Variants in LRRC9 observed in about 807,000 individuals in gnomAD.
LRRC9 encodes the protein leucine rich repeat containing 9.
LRRC9 carries 122 observed loss-of-function variants against 63.2 expected under a neutral mutation model. That is an observed-to-expected ratio of 1.93 (90% CI 1.67 to 2.24). The LOEUF is 2.24. Ranked by LOEUF, LRRC9 falls within the 30% of genes most tolerant of loss-of-function variation. The pLI is 0.00. For synonymous variants in LRRC9, 366 were observed against 213.1 expected (o/e 1.72, Z -6.25); for missense variants, 1,071 against 627.7 (o/e 1.71, Z -7.55).
Position 59,978,027 on chromosome 14 carries a change from G to A in LRRC9, c.1773G>A (p.Met591Ile), listed in dbSNP as rs1486327764. ...TTGCTTTTACTCTAGATTCTGTCAT[G>A]GGACAAAGAAACTGTGATTGCAGTG... is the stretch of plus-strand genomic sequence containing the variant. Residue 591 changes from methionine (M) to isoleucine (I), a missense_variant, in exon 15 of 32, where the codon ATG becomes ATA. Coordinates refer to ENST00000445360, the Ensembl canonical transcript of LRRC9. 2.7e-5 allele frequency: 19 copies of A among 699,442 alleles called. No homozygotes were observed. In the South Asian group the frequency reaches 2.8e-4, roughly 10 times the overall value. 43.3% of individuals were successfully genotyped at this position (699,442 alleles called of 1,614,324 possible). A position where few individuals can be genotyped will look rare whatever the true frequency, so the allele number is the denominator to read the frequency against.
intron 1 of LRRC9, among the ~76,000 whole-genome samples, chr14:59,925,791 G>A (rs922487204): frequency 5.3e-5 from 8 of 151,918 alleles, no homozygotes; most frequent in African/African-American, 1.9e-4. Flanking sequence ...TCTTTCCCTG[G>A]TACCTTGAAT....
At chr14:59,946,792 T>C (rs1467666707) in intron 8 of LRRC9, among the ~76,000 whole-genome samples, 2 of 147,564 alleles carry the variant, frequency 1.4e-5, no homozygotes, top group African/African-American at 5.1e-5. Flanking sequence ...TTACTGAGAA[T>C]GATGGTTTCC....
At chr14:60,038,591 G>A (rs1054048838) in intron 29 of LRRC9, among the ~76,000 whole-genome samples, 3 of 152,158 alleles carry the variant, frequency 2.0e-5, no homozygotes. Context: ...GTATAGGAAT[G>A]TTTGTAATTT....
intron 19 of LRRC9, among the ~76,000 whole-genome samples, chr14:60,000,975 G>C (rs1011359371): frequency 2.6e-5 from 4 of 151,948 alleles, no homozygotes; most frequent in Non-Finnish European, 5.9e-5. Context: ...AATTAACTTA[G>C]GAAAAGATAC....
At chr14:60,036,930 G>A (rs557101930) in intron 29 of LRRC9, among the ~76,000 whole-genome samples, 16 of 151,952 alleles carry the variant, frequency 1.1e-4, no homozygotes, top group African/African-American at 3.6e-4. Flanking sequence ...CCAACCCCAC[G>A]ACAGGCCCTG....
In LRRC9 at chr14:60,037,451, C is replaced by T. The variant is rs569002118; in HGVS notation, c.3990+5388C>T. Among the ~76,000 whole-genome samples, 11 of 152,202 alleles carry T rather than the reference C, an allele frequency of 7.2e-5. 1 individual carries two copies. Among genetic ancestry groups the T allele is most frequent in the East Asian group, 3.9e-4 (2 of 5,180 alleles). On this transcript the variant is annotated intron_variant, in intron 29 of 31. Coordinates refer to ENST00000445360, the Ensembl canonical transcript of LRRC9. ...TGTTGTTTCCTGACTTTTTAATGAT[C>T]GCCATTCTAACTGGTGTGAGATGGT...
chr14:60,048,075 A>T (rs907925938), intron 29 of LRRC9, among the ~76,000 whole-genome samples: 9 of 152,210 alleles, frequency 5.9e-5, no homozygotes, highest in African/African-American at 2.2e-4. Flanking sequence ...GGCAGAACTC[A>T]AGAAGTTCTT....
At position 59,976,643 on chromosome 14, in the gene LRRC9, T is replaced by C. The variant is rs184396041; in HGVS notation, c.1640-582T>C. Among the ~76,000 whole-genome samples, 310 of 152,360 alleles carry C rather than the reference T, an allele frequency of 2.0e-3. 2 individuals carry two copies. The highest frequency in any genetic ancestry group is 7.3e-3 in the African/African-American group (303 of 41,596). Reference sequence around the variant, plus strand: ...GATGTTCTGCTAGATCCTTCTGGAATGTTTCCAAAACAATTAGGTTCTCCT... The same window carrying C: ...GATGTTCTGCTAGATCCTTCTGGAACGTTTCCAAAACAATTAGGTTCTCCT... On this transcript the variant is annotated intron_variant, in intron 13 of 31. Transcript: ENST00000445360.
rs1882152651 is a variant in LRRC9 at position 59,944,687 on chromosome 14, C to A, written c.825C>A (p.Cys275Ter). The change falls in exon 8 of 32, where the codon TGC becomes TGA. Residue 275 changes from cysteine (C) to a stop codon, truncating the protein, a stop_gained. Transcript: ENST00000445360. LOFTEE classifies it high-confidence loss of function. ...TTGAAAAACTGAATGATCAAAAATGCAAATTACAAAAGTTGCCAGAAGAAC... is the reference window on the plus strand; with the variant it reads ...TTGAAAAACTGAATGATCAAAAATGAAAATTACAAAAGTTGCCAGAAGAAC... 3.0e-6 allele frequency: 2 copies of A among 663,956 alleles called. No homozygotes were observed. The highest frequency in any genetic ancestry group is 1.7e-5 in the South Asian group (1 of 59,182). The allele number at this position is 663,956 out of a possible 1,614,324, so 41.1% of individuals were successfully genotyped here.
chr14:59,995,538 G>A (rs911928457), intron 17 of LRRC9, among the ~76,000 whole-genome samples: 2 of 152,080 alleles, frequency 1.3e-5, no homozygotes, highest in African/African-American at 4.8e-5. Flanking sequence ...TTTGTAAGTT[G>A]TACTGTACTG....
intron 8 of LRRC9, among the ~76,000 whole-genome samples, chr14:59,945,666 G>GA (rs1882292795): frequency 6.6e-6 from 1 of 151,730 alleles, no homozygotes; most frequent in African/African-American, 2.4e-5. Flanking sequence ...ATGAAAATCT[G>GA]AAAAAATGTC....
chr14:59,932,040 G>A lies in LRRC9; in HGVS notation c.543+1G>A. 1 of 697,806 alleles carries A rather than the reference G, an allele frequency of 1.4e-6. No individual in the cohort carries two copies. The highest frequency in any genetic ancestry group is 2.6e-6 in the Non-Finnish European group (1 of 382,696). The allele number at this position is 697,806 out of a possible 1,614,324, so 43.2% of individuals were successfully genotyped here. On this transcript the variant is annotated splice_donor_variant, in intron 6 of 31. Coordinates refer to ENST00000445360, the Ensembl canonical transcript of LRRC9. LOFTEE classifies it high-confidence loss of function. The surrounding 1 kb of genome is among the most constrained non-coding windows in gnomAD (Gnocchi z 4.7). The stretch of plus-strand genomic sequence containing the variant: ...TGGTAACCAAATATGTTCTTTCAAG[G>A]TATGTTTAAGTGGAATAATTAATTT...
chr14:60,009,769 G>C (rs219376), intron 23 of LRRC9, among the ~76,000 whole-genome samples: 113,119 of 152,130 alleles, frequency 0.74, 44,287 homozygotes, highest in Non-Finnish European at 0.87. Context: ...AGAGACAATG[G>C]GGGTACAGGC....
intron 7 of LRRC9, among the ~76,000 whole-genome samples, chr14:59,940,978 G>C (rs185268738): frequency 6.6e-6 from 1 of 151,980 alleles, no homozygotes; most frequent in African/African-American, 2.4e-5. Context: ...CATGTGGTCA[G>C]CCTACAAAGT....
At chr14:60,025,244 C>A (rs1891448676) in intron 27 of LRRC9, among the ~76,000 whole-genome samples, 1 of 151,826 alleles carries the variant, frequency 6.6e-6, no homozygotes, top group East Asian at 1.9e-4. Context: ...GCTTGTGCCA[C>A]CATGCCTGGC....
chr14:60,047,681 C>T (rs916983940), intron 29 of LRRC9, among the ~76,000 whole-genome samples: 1 of 152,054 alleles, frequency 6.6e-6, no homozygotes, highest in Non-Finnish European at 1.5e-5. Flanking sequence ...ACTTAGACTC[C>T]CACACAATAA....
intron 10 of LRRC9, among the ~76,000 whole-genome samples, chr14:59,963,860 T>C (rs1015037867): frequency 1.3e-5 from 2 of 152,210 alleles, no homozygotes; most frequent in African/African-American, 4.8e-5. Flanking sequence ...ATTAAACCTT[T>C]ATATAGGATT....
At chr14:60,045,582 T>C (rs1893352980) in intron 29 of LRRC9, among the ~76,000 whole-genome samples, 1 of 152,236 alleles carries the variant, frequency 6.6e-6, no homozygotes, top group Non-Finnish European at 1.5e-5. Context: ...GCTCTATCCA[T>C]GTCCCTGCAA....
At chr14:59,981,147 T>C (rs1177629512) in intron 15 of LRRC9, among the ~76,000 whole-genome samples, 1 of 152,178 alleles carries the variant, frequency 6.6e-6, no homozygotes, top group African/African-American at 2.4e-5. Flanking sequence ...TTTCTCAATC[T>C]TAGCTTCCAC....
Sources: allele counts gnomAD v4.1 joint callset (sites outside exome capture counted in the v4.1 genomes callset), GRCh38; gene constraint gnomAD v4.1.1; non-coding constraint Gnocchi (gnomAD v3.1); transcripts MANE v1.5; gene names NCBI Gene and HGNC (gene_info 2026-07-23, HGNC 2026-07-21).